IQSEC1: variants seen among roughly 807,000 people sequenced by gnomAD.
IQSEC1 encodes IQ motif and SEC7 domain-containing protein 1.
A neutral mutation model predicts 91.0 loss-of-function variants in IQSEC1; 31 were observed. That is an observed-to-expected ratio of 0.34 (90% CI 0.26 to 0.46). The LOEUF (loss-of-function observed/expected upper bound fraction) is 0.46, where lower values mean the gene tolerates loss of function less well. Ranked by LOEUF, IQSEC1 falls within the 20% of genes least tolerant of loss-of-function variation. IQSEC1 has a pLI of 1.00. For missense variants in IQSEC1, 1,388 were observed against 1,575.6 expected, an observed-to-expected ratio of 0.88 and a Z score of 2.02; for synonymous variants, 699 against 662.6, an observed-to-expected ratio of 1.05 and a Z score of -0.84.
rs112821247 is a variant in IQSEC1 at position 12,977,120 on chromosome 3, G to A, written c.24-35255C>T. 6.8e-3 allele frequency among the ~76,000 whole-genome samples: 1,029 copies of A among 152,278 alleles called. 16 individuals are homozygous for A. Among genetic ancestry groups the A allele is most frequent in the African/African-American group, 0.023 (972 of 41,538 alleles). The stretch of plus-strand genomic sequence containing the variant: ...GATTACAGGTGGGAGGCTGAGGCAG[G>A]CAGATTGCTTGAGCTCAGGAGTTAG... On this transcript the variant is annotated intron_variant, in intron 1 of 13. Transcript: ENST00000613206.
At chr3:13,243,127 C>G (rs983123490) in intron 1 of IQSEC1, among the ~76,000 whole-genome samples, 44 of 152,166 alleles carry the variant, frequency 2.9e-4, no homozygotes, top group African/African-American at 1.0e-3. Context: ...GAAGTCCCTT[C>G]GCACACAGAG....
chr3:13,115,891 A>T (rs1196524175), intron 2 of IQSEC1, among the ~76,000 whole-genome samples: 1 of 152,188 alleles, frequency 6.6e-6, no homozygotes, highest in Non-Finnish European at 1.5e-5. Context: ...ACCTGCCTGG[A>T]CCTGCTCCCC....
At chr3:13,283,128 C>CGCCCCCGGG (rs1447093070) in exon 1 of IQSEC1, among the ~76,000 whole-genome samples, 8 of 145,164 alleles carry the variant, frequency 5.5e-5, no homozygotes, top group Non-Finnish European at 7.6e-5. Flanking sequence ...CCGCCGGCGC[C>CGCCCCCGGG]GCCCCCGGGG....
At chr3:13,232,531 G>A (rs1694855356) in intron 1 of IQSEC1, among the ~76,000 whole-genome samples, 2 of 152,184 alleles carry the variant, frequency 1.3e-5, no homozygotes, top group South Asian at 4.1e-4. Context: ...CTCTCACGGG[G>A]TGGTGACAAG....
At chr3:12,988,721 C>T (rs562748604) in intron 1 of IQSEC1, among the ~76,000 whole-genome samples, 143 of 152,314 alleles carry the variant, frequency 9.4e-4, no homozygotes, top group Non-Finnish European at 1.4e-3. Flanking sequence ...TGCTCAGTCT[C>T]TTGACCCATG....
At chr3:12,991,351 C>T (rs1701981143) in intron 1 of IQSEC1, among the ~76,000 whole-genome samples, 2 of 152,174 alleles carry the variant, frequency 1.3e-5, no homozygotes, top group African/African-American at 4.8e-5. Context: ...CAGGGGGCTC[C>T]AGAAAATGCT....
chr3:13,097,822 A>T (rs1362916383), intron 2 of IQSEC1, among the ~76,000 whole-genome samples: 1 of 152,242 alleles, frequency 6.6e-6, no homozygotes, highest in African/African-American at 2.4e-5. Flanking sequence ...AACATTAATT[A>T]TCAACCATTT....
intron 1 of IQSEC1, among the ~76,000 whole-genome samples, chr3:13,230,135 T>G (rs73813512): frequency 6.6e-6 from 1 of 152,336 alleles, no homozygotes; most frequent in African/African-American, 2.4e-5. Context: ...TAGTCCATCT[T>G]TAAAGAATAA....
At chr3:13,113,834 T>C (rs1355481337) in intron 2 of IQSEC1, among the ~76,000 whole-genome samples, 1 of 152,148 alleles carries the variant, frequency 6.6e-6, no homozygotes, top group East Asian at 1.9e-4. Context: ...TGCCTAGCTG[T>C]TGGTGAAAGC....
intron 1 of IQSEC1, among the ~76,000 whole-genome samples, chr3:13,020,816 G>A (rs1020627024): frequency 1.3e-5 from 2 of 152,136 alleles, no homozygotes; most frequent in African/African-American, 2.4e-5. Context: ...CTAGAGACAT[G>A]CACCACCATG....
At chr3:13,143,104 A>T (rs554252890) in intron 2 of IQSEC1, among the ~76,000 whole-genome samples, 3 of 152,228 alleles carry the variant, frequency 2.0e-5, no homozygotes, top group Admixed American at 6.5e-5. Flanking sequence ...TTGGTCTTCG[A>T]TGTGTCTGTG....
At chr3:13,278,180 C>A (rs1269130638) in intron 1 of IQSEC1, among the ~76,000 whole-genome samples, 1 of 152,208 alleles carries the variant, frequency 6.6e-6, no homozygotes, top group Non-Finnish European at 1.5e-5. Flanking sequence ...AACGTCCTCT[C>A]CCAGTGATAT....
chr3:13,099,037 C>G (rs567356063), intron 2 of IQSEC1, among the ~76,000 whole-genome samples: 60 of 152,200 alleles, frequency 3.9e-4, no homozygotes, highest in African/African-American at 1.4e-3. Flanking sequence ...AGAGGACTTT[C>G]GGGGGATGGG....
Position 12,909,519 on chromosome 3 carries a change from G to C in IQSEC1, c.2417-85C>G. On this transcript the variant is annotated intron_variant, in intron 10 of 13. Transcript: ENST00000613206. The surrounding 1 kb of genome is among the most constrained non-coding windows in gnomAD (Gnocchi z 4.9). ...CCTCTCTGGTCAGGAAACAATGGTA[G>C]GGCTGAGTTGTGCGTGAGCCTGGGA... 2.2e-6 allele frequency: 3 copies of C among 1,367,446 alleles called. No homozygotes were observed. Among genetic ancestry groups the C allele is most frequent in the Non-Finnish European group, 3.1e-6 (3 of 982,910 alleles). The allele number at this position is 1,367,446 out of a possible 1,614,324, so 84.7% of individuals were successfully genotyped here.
At chr3:13,093,846 G>C (rs1299254553) in intron 2 of IQSEC1, among the ~76,000 whole-genome samples, 2 of 152,116 alleles carry the variant, frequency 1.3e-5, no homozygotes, top group African/African-American at 2.4e-5. Context: ...CACCCTCTAG[G>C]TCCAGGGATG....
chr3:13,245,693 G>C (rs1224002555), intron 1 of IQSEC1, among the ~76,000 whole-genome samples: 2 of 151,924 alleles, frequency 1.3e-5, no homozygotes, highest in African/African-American at 4.8e-5. Context: ...CTTGAACCCA[G>C]GAGGTGGAGG....
At chr3:13,101,002 C>T (rs1706048477) in intron 2 of IQSEC1, among the ~76,000 whole-genome samples, 1 of 124,006 alleles carries the variant, frequency 8.1e-6, no homozygotes, top group African/African-American at 3.4e-5. Context: ...GTGCTCCAGA[C>T]AGAGAAAACA....
Position 12,900,822 on chromosome 3 carries a change from C to T in IQSEC1, c.*161G>A. On this transcript the variant is annotated 3_prime_UTR_variant, in exon 14 of 14. Transcript: ENST00000613206. ...ATCTGGGCCTTTGTTCCACACAACA[C>T]CAGCCCTGTGGGCTCCTGGGGCTCC... is the stretch of plus-strand genomic sequence containing the variant. The T allele has an allele frequency of 6.7e-7, 1 of 1,498,428 alleles. No homozygotes were observed. The highest frequency in any genetic ancestry group is 8.9e-7 in the Non-Finnish European group (1 of 1,129,214). The allele number at this position is 1,498,428 out of a possible 1,614,324, so 92.8% of individuals were successfully genotyped here.
chr3:13,253,327 ACT>A (rs1039008837), intron 1 of IQSEC1, among the ~76,000 whole-genome samples: 2 of 151,968 alleles, frequency 1.3e-5, no homozygotes, highest in Non-Finnish European at 2.9e-5. Flanking sequence ...AGAGTATCAG[ACT>A]CCAGAATGCA....
Sources: allele counts gnomAD v4.1 joint callset (sites outside exome capture counted in the v4.1 genomes callset), GRCh38; gene constraint gnomAD v4.1.1; non-coding constraint Gnocchi (gnomAD v3.1); transcripts MANE v1.5; gene names NCBI Gene and HGNC (gene_info 2026-07-23, HGNC 2026-07-21).